Variants in SLC1A3 observed in about 807,000 individuals in gnomAD.
The protein encoded by SLC1A3 is excitatory amino acid transporter 1.
In SLC1A3, 21 loss-of-function variants were observed where a neutral mutation model predicts 48.1. The observed-to-expected ratio is 0.44, with a 90% CI of 0.31 to 0.63. The LOEUF is 0.63. SLC1A3 is among the 20% of genes least tolerant of loss of function. SLC1A3 has a pLI of 0.08. For missense variants in SLC1A3, 546 were observed against 689.0 expected (o/e 0.79, Z 2.32); for synonymous variants, 239 against 251.4 (o/e 0.95, Z 0.47).
At chr5:36,631,627 A>G (rs1334902952) in intron 3 of SLC1A3, among the ~76,000 whole-genome samples, 2 of 152,242 alleles carry the variant, frequency 1.3e-5, no homozygotes, top group Non-Finnish European at 2.9e-5. Flanking sequence ...AGAGAGTTTT[A>G]GCTCTTGTCC....
chr5:36,629,867 G>C (rs1479607893), intron 3 of SLC1A3: 1 of 436,400 alleles, frequency 2.3e-6, no homozygotes, highest in Non-Finnish European at 4.2e-6. Flanking sequence ...CACACCATCA[G>C]CCTTCTCTGA....
chr5:36,608,616 G>A lies in SLC1A3; in HGVS notation c.181+12G>A, dbSNP rs2111657235. 1.9e-6 allele frequency: 3 copies of A among 1,596,110 alleles called. No homozygotes were observed. Among genetic ancestry groups the A allele is most frequent in the Admixed American group, 1.7e-5 (1 of 58,886 alleles). On this transcript the variant is annotated intron_variant, in intron 2 of 9. Transcript: ENST00000265113. Reference sequence around the variant, plus strand: ...CGCTGTCATTGTGGGTGAGTCATTTGATTAAAAACAAAAAAACCTGTATCT... The same window carrying A: ...CGCTGTCATTGTGGGTGAGTCATTTAATTAAAAACAAAAAAACCTGTATCT...
At chr5:36,620,191 C>T (rs1010234128) in intron 2 of SLC1A3, among the ~76,000 whole-genome samples, 1 of 152,164 alleles carries the variant, frequency 6.6e-6, no homozygotes, top group Non-Finnish European at 1.5e-5. Flanking sequence ...ATATTAAACG[C>T]TACAGGTTTG....
chr5:36,647,683 G>A (rs1407771454), intron 3 of SLC1A3, among the ~76,000 whole-genome samples: 3 of 152,140 alleles, frequency 2.0e-5, no homozygotes, highest in African/African-American at 7.2e-5. Flanking sequence ...TTTCATGGAA[G>A]GAGCTTTTTG....
chr5:36,644,014 AAAATAAATAAATAAAT>A (rs57649957), intron 3 of SLC1A3, among the ~76,000 whole-genome samples: 94 of 101,792 alleles, frequency 9.2e-4, no homozygotes, highest in African/African-American at 2.3e-3. Flanking sequence ...TCCGTCTCAA[AAAATAAATAAATAAAT>A]AAATAAATAA....
chr5:36,668,126 G>T (rs2111915290), intron 3 of SLC1A3: 1 of 152,334 alleles, frequency 6.6e-6, no homozygotes, highest in East Asian at 1.9e-4. Context: ...GTTTAGGGCA[G>T]TTCCTGCCAA....
At chr5:36,677,825 C>G (rs1742275530) in intron 6 of SLC1A3, among the ~76,000 whole-genome samples, 1 of 152,180 alleles carries the variant, frequency 6.6e-6, no homozygotes, top group Non-Finnish European at 1.5e-5. Context: ...GGAGAGGCCC[C>G]CTAGGCCATC....
At chr5:36,675,611 A>G (rs1283593170) in intron 5 of SLC1A3, among the ~76,000 whole-genome samples, 1 of 152,240 alleles carries the variant, frequency 6.6e-6, no homozygotes, top group Non-Finnish European at 1.5e-5. Flanking sequence ...TTAGAGGCAT[A>G]AGAAAGCCTG....
At position 36,628,734 on chromosome 5, in the gene SLC1A3, C is replaced by T. The variant is rs111398280; in HGVS notation, c.182-716C>T. Among the ~76,000 whole-genome samples the T allele has an allele frequency of 6.7e-3, 1,027 of 152,210 alleles. 12 individuals carry two copies. Among genetic ancestry groups the T allele is most frequent in the African/African-American group, 0.024 (990 of 41,530 alleles). Reference sequence around the variant, plus strand: ...TCATTCTAAAAAGATTTTAAAGTTTCAGTTGTAGAGGGAAAATTAAGGGGA... The same window carrying T: ...TCATTCTAAAAAGATTTTAAAGTTTTAGTTGTAGAGGGAAAATTAAGGGGA... On this transcript the variant is annotated intron_variant, in intron 2 of 9. Coordinates refer to ENST00000265113, the MANE Select transcript of SLC1A3 (RefSeq NM_004172.5).
intron 3 of SLC1A3, among the ~76,000 whole-genome samples, chr5:36,664,564 T>A (rs995136785): frequency 6.6e-6 from 1 of 152,030 alleles, no homozygotes. Context: ...CTCACACACA[T>A]ACACACAGAG....
chr5:36,671,135 C>G lies in SLC1A3; in HGVS notation c.426C>G (p.Val142=). ...IIAVVIGIII[V]IIIHPGKGTK... ...CTGTGGTGATTGGCATAATCATTGT[C>G]ATCATCATCCATCCTGGGAAGGGCA... The change falls in exon 4 of 10, where the codon GTC becomes GTG. Residue 142 remains valine (V), a synonymous_variant. Transcript: ENST00000265113. 1.2e-6 allele frequency: 2 copies of G among 1,613,610 alleles called. No individual in the cohort carries two copies. Among genetic ancestry groups the G allele is most frequent in the Non-Finnish European group, 1.7e-6 (2 of 1,179,562 alleles).
chr5:36,679,928 T>A, intron 7 of SLC1A3, 68 bp downstream of exon 7: 1 of 1,048,476 alleles, frequency 9.5e-7, no homozygotes, highest in Non-Finnish European at 1.5e-6. Flanking sequence ...AAGTAGGGTG[T>A]AGGAGAAGCC....
At chr5:36,651,229 C>A (rs1006028468) in intron 3 of SLC1A3, among the ~76,000 whole-genome samples, 2 of 151,378 alleles carry the variant, frequency 1.3e-5, no homozygotes, top group Non-Finnish European at 2.9e-5. Flanking sequence ...CTTCCCCACA[C>A]CAGGCTTGCT....
At position 36,680,453 on chromosome 5, in the gene SLC1A3, C is replaced by G; in HGVS notation, c.1153C>G (p.Arg385Gly). The G allele has an allele frequency of 6.2e-7, 1 of 1,614,174 alleles. No homozygotes were observed. The highest frequency in any genetic ancestry group is 1.1e-5 in the South Asian group (1 of 91,084). Residue 385 changes from arginine to glycine, a missense_variant, in exon 8 of 10, where the codon CGC (arginine) becomes GGC (glycine). Physicochemically the swap from Arg to Gly is moderately radical, Grantham distance 125. Transcript: ENST00000265113. ...CLEENNGVDK[R>G]VTRFVLPVGA... ...GGAAGAGAACAATGGCGTGGACAAGCGCGTCACCAGATTCGTGCTCCCCGT... is the reference window on the plus strand; with the variant it reads ...GGAAGAGAACAATGGCGTGGACAAGGGCGTCACCAGATTCGTGCTCCCCGT...
chr5:36,662,660 G>A (rs963071631), intron 3 of SLC1A3, among the ~76,000 whole-genome samples: 1 of 152,228 alleles, frequency 6.6e-6, no homozygotes, highest in African/African-American at 2.4e-5. Context: ...ACCTCGCAGC[G>A]GGGCTCGCGC....
intron 3 of SLC1A3, among the ~76,000 whole-genome samples, chr5:36,637,019 G>A (rs1032417129): frequency 1.3e-5 from 2 of 152,298 alleles, no homozygotes; most frequent in Middle Eastern, 3.4e-3. Context: ...CTTTCAGATG[G>A]TCTCAGGGGA....
intron 3 of SLC1A3, chr5:36,670,795 G>T (rs1036038110): frequency 1.0e-5 from 6 of 574,112 alleles, no homozygotes; most frequent in Admixed American, 8.5e-5. Context: ...CAACTCTTGG[G>T]GCAGAAAATG....
chr5:36,630,230 T>C (rs1740085029), intron 3 of SLC1A3, among the ~76,000 whole-genome samples: 1 of 152,218 alleles, frequency 6.6e-6, no homozygotes, highest in African/African-American at 2.4e-5. Context: ...CTTGGATTTT[T>C]AACAAGTGGA....
At position 36,676,974 on chromosome 5, in the gene SLC1A3, T is replaced by C. The variant is rs772789166; in HGVS notation, c.650T>C (p.Val217Ala). The C allele has an allele frequency of 3.2e-5, 52 of 1,614,050 alleles. 1 individual carries two copies. The South Asian group carries it at 5.2e-4, about 16-fold the overall frequency. ...CTTGTGGGTGCTGTGATAAACAATG[T>C]GTCTGAGGCCATGGAGACTCTTACC... ...ETLVGAVINN[V>A]SEAMETLTRI... The change falls in exon 6 of 10, where the codon GTG becomes GCG. Residue 217 changes from valine (V) to alanine (A), a missense_variant. By Grantham distance (64) the Val-to-Ala change is moderately conservative. This residue lies in a region of SLC1A3 where 348 missense variants were observed against 392.0 expected (regional missense o/e 0.89). Transcript: ENST00000265113.
Sources: gnomAD v4.1 joint callset for allele counts (sites outside exome capture counted in the v4.1 genomes callset) on GRCh38, gnomAD v4.1.1 for gene constraint, gnomAD v4.1.1 regional missense constraint, MANE v1.5 for transcripts, NCBI Gene and HGNC (gene_info 2026-07-23, HGNC 2026-07-21) for gene names.